UMODL1: variants seen among roughly 807,000 people sequenced by gnomAD.
UMODL1 encodes uromodulin like 1, also known as uromodulin-like 1.
A neutral mutation model predicts 136.3 loss-of-function variants in UMODL1; 128 were observed. The observed-to-expected ratio is 0.94, with a 90% CI of 0.81 to 1.09. The LOEUF is 1.09. Among genes scored for constraint, UMODL1 ranks in the 50% least tolerant of loss-of-function variants. UMODL1 has a pLI of 0.00. For missense variants in UMODL1, 1,766 were observed against 1,725.6 expected, an observed-to-expected ratio of 1.02 and a Z score of -0.41; for synonymous variants, 721 against 720.0, an observed-to-expected ratio of 1.00 and a Z score of -0.02.
chr21:42,079,403 C>T (rs1439749929), intron 2 of UMODL1, among the ~76,000 whole-genome samples: 2 of 152,242 alleles, frequency 1.3e-5, no homozygotes, highest in African/African-American at 4.8e-5. Context: ...AGGGCGATGC[C>T]CTTGCAGTCA....
chr21:42,087,079 C>T (rs58788126), intron 4 of UMODL1, among the ~76,000 whole-genome samples: 36,618 of 152,110 alleles, frequency 0.24, 4,565 homozygotes, highest in East Asian at 0.37. Context: ...CTTCCTGATG[C>T]GTGTGGGGCC....
chr21:42,137,190 C>A (rs1268678464), intron 21 of UMODL1, among the ~76,000 whole-genome samples: 3 of 152,248 alleles, frequency 2.0e-5, no homozygotes, highest in African/African-American at 4.8e-5. Flanking sequence ...ACCAGGAGGA[C>A]CTGCTGGTCC....
chr21:42,114,053 G>A (rs1047336938), intron 13 of UMODL1, among the ~76,000 whole-genome samples: 9 of 152,240 alleles, frequency 5.9e-5, no homozygotes, highest in Non-Finnish European at 8.8e-5. Flanking sequence ...GTATGGAGGC[G>A]GCAGCAGAGT....
intron 12 of UMODL1, 22 bp from the exon 13 acceptor site, chr21:42,113,551 G>A: frequency 6.3e-7 from 1 of 1,589,316 alleles, no homozygotes; most frequent in Non-Finnish European, 8.6e-7. Context: ...TGTAATTTTG[G>A]TGTTTATATT....
chr21:42,114,401 G>C (rs908624576), intron 13 of UMODL1, among the ~76,000 whole-genome samples: 2 of 152,248 alleles, frequency 1.3e-5, no homozygotes, highest in African/African-American at 4.8e-5. Flanking sequence ...ATCGCTACCT[G>C]GGTATTTTCT....
At chr21:42,129,159 C>T (rs1037045189) in intron 20 of UMODL1, among the ~76,000 whole-genome samples, 2 of 152,098 alleles carry the variant, frequency 1.3e-5, no homozygotes, top group East Asian at 3.9e-4. Context: ...TTAGGGCCCA[C>T]CCTGATGACC....
At chr21:42,074,637 G>A (rs374032368) in intron 1 of UMODL1, among the ~76,000 whole-genome samples, 1 of 152,176 alleles carries the variant, frequency 6.6e-6, no homozygotes, top group African/African-American at 2.4e-5. Flanking sequence ...TGAGAGATAT[G>A]TGGGGCCCAA....
At chr21:42,142,069 A>T (rs2067289649) in intron 22 of UMODL1, 27 bp from the exon 23 acceptor site, 2 of 152,132 alleles carry the variant, frequency 1.3e-5, no homozygotes, top group Non-Finnish European at 2.9e-5. Flanking sequence ...GTGCAAGCTG[A>T]CCCAGGTGAC....
chr21:42,068,766 CAGT>C (rs1214400976), upstream of UMODL1, among the ~76,000 whole-genome samples: 3 of 152,040 alleles, frequency 2.0e-5, no homozygotes, highest in South Asian at 2.1e-4. This position sits in a 1 kb window ranked among gnomAD's most constrained non-coding sequence, Gnocchi z 5.5. Flanking sequence ...GAACGTGTGT[CAGT>C]ATGTGTGTGG....
At position 42,122,437 on chromosome 21, in the gene UMODL1, A is replaced by G. The variant is rs934519846; in HGVS notation, c.2828-394A>G. Among the ~76,000 whole-genome samples, 1 of 152,176 alleles carries G rather than the reference A, an allele frequency of 6.6e-6. No homozygotes were observed. The highest frequency in any genetic ancestry group is 2.4e-5 in the African/African-American group (1 of 41,440). ...AGGGCAGAAGACTCACCCTGTATCC[A>G]CTGGCTTGGCACATCCCCGGCATCA... On this transcript the variant is annotated intron_variant, in intron 16 of 22. Transcript: ENST00000408910. This position sits in a 1 kb window ranked among gnomAD's most constrained non-coding sequence, Gnocchi z 4.3.
At chr21:42,119,360 T>C (rs2146522287) in intron 15 of UMODL1, 36 bp downstream of exon 15, 1 of 1,598,318 alleles carries the variant, frequency 6.3e-7, no homozygotes, top group Non-Finnish European at 8.5e-7. Context: ...TCCCGTGTTC[T>C]GGAACCAGAG....
rs1032929817 is a variant in UMODL1, at chr21:42,088,280, T to G, written c.604-14T>G. 1 of 1,607,554 alleles carries G rather than the reference T, an allele frequency of 6.2e-7. No individual in the cohort carries two copies. The highest frequency in any genetic ancestry group is 1.7e-5 in the Admixed American group (1 of 59,922). Reference sequence around the variant, plus strand: ...GTCCTTCTGCTGTGTGACACTCTGATTCTGCCTTCACAGGTCACCAGCGCC... The same window carrying G: ...GTCCTTCTGCTGTGTGACACTCTGAGTCTGCCTTCACAGGTCACCAGCGCC... On this transcript the variant is annotated splice_polypyrimidine_tract_variant and intron_variant, in intron 4 of 22. Coordinates refer to ENST00000408910, the MANE Select transcript of UMODL1 (RefSeq NM_001004416.3).
At chr21:42,111,282 A>T in intron 11 of UMODL1, 161 bp downstream of exon 11, 1 of 1,393,094 alleles carries the variant, frequency 7.2e-7, no homozygotes, top group Non-Finnish European at 9.5e-7. Flanking sequence ...AGCCAGGTGA[A>T]CCCCAGCCAG....
chr21:42,063,654 C>T (rs2066159397), intron 1 of UMODL1, among the ~76,000 whole-genome samples: 1 of 152,208 alleles, frequency 6.6e-6, no homozygotes, highest in African/African-American at 2.4e-5. Flanking sequence ...GGAGGAATCC[C>T]TCCCTCTAAG....
chr21:42,113,421 C>A, intron 12 of UMODL1, 152 bp from the exon 13 acceptor site: 1 of 916,566 alleles, frequency 1.1e-6, no homozygotes, highest in Non-Finnish European at 1.6e-6. Flanking sequence ...GAGGTTTGTA[C>A]AGGATCCTAC....
chr21:42,098,747 A>C (rs2066588729), intron 6 of UMODL1, among the ~76,000 whole-genome samples, 179 bp from the exon 7 acceptor site: 1 of 152,210 alleles, frequency 6.6e-6, no homozygotes, highest in Non-Finnish European at 1.5e-5. Flanking sequence ...AGCCTGGGTG[A>C]CAGAGTGAGA....
chr21:42,133,451 G>A (rs1472131062), intron 21 of UMODL1, among the ~76,000 whole-genome samples: 4 of 152,232 alleles, frequency 2.6e-5, no homozygotes, highest in African/African-American at 4.8e-5. Context: ...CCTGGGGACT[G>A]AGCTGGCTTC....
chr21:42,064,636 A>G (rs2066169200), intron 1 of UMODL1, among the ~76,000 whole-genome samples: 1 of 149,596 alleles, frequency 6.7e-6, no homozygotes, highest in African/African-American at 2.5e-5. Flanking sequence ...GGCGCACTGC[A>G]ACCTCTGCCT....
chr21:42,086,778 C>T (rs1488621464), intron 4 of UMODL1, among the ~76,000 whole-genome samples: 1 of 152,214 alleles, frequency 6.6e-6, no homozygotes, highest in East Asian at 1.9e-4. Flanking sequence ...CCAGCCTGGC[C>T]AACATGGCGA....
Sources: allele counts gnomAD v4.1 joint callset (sites outside exome capture counted in the v4.1 genomes callset), GRCh38; gene constraint gnomAD v4.1.1; non-coding constraint Gnocchi (gnomAD v3.1); transcripts MANE v1.5; gene names NCBI Gene and HGNC (gene_info 2026-07-23, HGNC 2026-07-21).